COPG2: variants seen among roughly 807,000 people sequenced by gnomAD.
The protein encoded by COPG2 is coat protein complex I subunit gamma 2.
COPG2 carries 37 observed loss-of-function variants against 46.3 expected under a neutral mutation model. The observed-to-expected ratio is 0.80, with a 90% CI of 0.61 to 1.05. The LOEUF (loss-of-function observed/expected upper bound fraction) is 1.05, where lower values mean the gene tolerates loss of function less well. COPG2 is among the 50% of genes least tolerant of loss of function. The probability of loss-of-function intolerance (pLI) is 0.00; values close to 1 mark genes in which losing one functional copy is unlikely to be tolerated. For missense variants in COPG2, 427 were observed against 387.8 expected, an observed-to-expected ratio of 1.10 and a Z score of -0.85; for synonymous variants, 159 against 129.7, an observed-to-expected ratio of 1.23 and a Z score of -1.53.
In COPG2 at chr7:130,507,351, G is replaced by GTGATGATAT. The variant is rs1272009120; in HGVS notation, c.2399_2407dup (p.Asn800_Ile802dup). On this transcript the variant is annotated inframe_insertion, in exon 23 of 24. Coordinates refer to ENST00000425248, the MANE Select transcript of COPG2 (RefSeq NM_012133.6). Reference sequence around the variant, plus strand: ...CTCACATGGCTGCATGCCCAGAAATGTGATGATATTGTTGACAGCCTCTGT... The same window carrying GTGATGATAT: ...CTCACATGGCTGCATGCCCAGAAATGTGATGATATTGATGATATTGTTGACAGCCTCTGT... 1.3e-6 allele frequency: 1 copy of GTGATGATAT among 780,596 alleles called. No homozygotes were observed. Among genetic ancestry groups the GTGATGATAT allele is most frequent in the Admixed American group, 1.7e-5 (1 of 59,022 alleles). The allele number at this position is 780,596 out of a possible 1,614,324, so 48.4% of individuals were successfully genotyped here. A position where few individuals can be genotyped will look rare whatever the true frequency, so the allele number is the denominator to read the frequency against.
chr7:130,618,821 T>A (rs1554453245), intron 5 of COPG2, among the ~76,000 whole-genome samples: 1 of 152,172 alleles, frequency 6.6e-6, no homozygotes, highest in East Asian at 1.9e-4. Flanking sequence ...CAGTTCCTCC[T>A]CATTTTGGAT....
At chr7:130,509,307 G>C (rs782537201) in intron 20 of COPG2, 3 of 512,566 alleles carry the variant, frequency 5.9e-6, no homozygotes, top group African/African-American at 5.8e-5. Flanking sequence ...AAGAAATGGA[G>C]GTGGGGGTAC....
chr7:130,584,665 G>A (rs1794228555), intron 9 of COPG2, among the ~76,000 whole-genome samples: 1 of 151,944 alleles, frequency 6.6e-6, no homozygotes, highest in Admixed American at 6.6e-5. Flanking sequence ...TACACCAATA[G>A]CAACTAAGCG....
intron 9 of COPG2, among the ~76,000 whole-genome samples, chr7:130,593,200 G>T (rs1794464551): frequency 1.3e-5 from 2 of 152,252 alleles, no homozygotes; most frequent in African/African-American, 4.8e-5. Flanking sequence ...GACCAGAGGT[G>T]AAAGACTCAT....
chr7:130,561,356 T>A lies in COPG2; in HGVS notation c.940-135A>T, dbSNP rs962124329. 9.6e-5 allele frequency: 38 copies of A among 396,206 alleles called. No individual in the cohort carries two copies. In the East Asian group the frequency reaches 1.3e-3, roughly 13 times the overall value. 24.5% of individuals were successfully genotyped at this position (396,206 alleles called of 1,614,324 possible). A position where few individuals can be genotyped will look rare whatever the true frequency, so the allele number is the denominator to read the frequency against. On this transcript the variant is annotated intron_variant, in intron 11 of 23. Transcript: ENST00000425248. ...GTAATTGCTTCAAAAACAAAAAGAATGGCTCCAGTTAACAAGGTATATCTT... is the reference window on the plus strand; with the variant it reads ...GTAATTGCTTCAAAAACAAAAAGAAAGGCTCCAGTTAACAAGGTATATCTT...
At chr7:130,598,656 C>CAGT (rs1554450014) in intron 9 of COPG2, among the ~76,000 whole-genome samples, 2 of 152,190 alleles carry the variant, frequency 1.3e-5, no homozygotes, top group African/African-American at 4.8e-5. Flanking sequence ...GCATGAGGCC[C>CAGT]TAACTGGGCC....
At chr7:130,663,414 A>G (rs1458456674) in intron 3 of COPG2, among the ~76,000 whole-genome samples, 1 of 152,192 alleles carries the variant, frequency 6.6e-6, no homozygotes, top group Non-Finnish European at 1.5e-5. Context: ...GATCATATCT[A>G]TAATGCCCAG....
intron 9 of COPG2, chr7:130,605,149 T>C: frequency 2.0e-6 from 1 of 512,142 alleles, no homozygotes; most frequent in Non-Finnish European, 3.9e-6. Context: ...TTCTTTAATC[T>C]GTTTTCTCTC....
intron 20 of COPG2, among the ~76,000 whole-genome samples, chr7:130,539,617 T>C (rs1046605194): frequency 1.3e-5 from 2 of 152,108 alleles, no homozygotes; most frequent in African/African-American, 4.8e-5. Context: ...GTACCTTCCC[T>C]TGGCCAAGGA....
At chr7:130,528,167 G>A (rs1351951686) in intron 20 of COPG2, among the ~76,000 whole-genome samples, 6 of 152,078 alleles carry the variant, frequency 3.9e-5, no homozygotes, top group African/African-American at 9.7e-5. Context: ...GTTGAGACTG[G>A]GTGCGTTTGT....
At chr7:130,619,344 T>A (rs1298164347) in intron 5 of COPG2, among the ~76,000 whole-genome samples, 1 of 152,118 alleles carries the variant, frequency 6.6e-6, no homozygotes, top group Non-Finnish European at 1.5e-5. Flanking sequence ...GATGTAAGAG[T>A]GTCTTTTGTT....
intron 9 of COPG2, among the ~76,000 whole-genome samples, chr7:130,591,183 A>T (rs1554448810): frequency 7.4e-6 from 1 of 134,328 alleles, no homozygotes; most frequent in Non-Finnish European, 1.6e-5. Flanking sequence ...CCCGTCCGGG[A>T]GGTGAGGGGC....
chr7:130,634,776 T>A (rs782059757), intron 5 of COPG2, among the ~76,000 whole-genome samples: 4 of 152,098 alleles, frequency 2.6e-5, no homozygotes, highest in Non-Finnish European at 5.9e-5. Context: ...GAGGGCATCC[T>A]TGTCTTGTGC....
In COPG2 at chr7:130,506,390, A is replaced by G. The variant is rs1799482090; in HGVS notation, c.*286T>C. On this transcript the variant is annotated 3_prime_UTR_variant, in exon 24 of 24. Coordinates refer to ENST00000425248, the MANE Select transcript of COPG2 (RefSeq NM_012133.6). ...TTTCAGGTACACATTAAAGAATAAA[A>G]TGAAGTTAAGCAGCTGGAGTATAGG... The G allele has an allele frequency of 6.6e-6, 1 of 151,480 alleles. No homozygotes were observed. Among genetic ancestry groups the G allele is most frequent in the Non-Finnish European group, 1.4e-5 (1 of 69,800 alleles). 9.4% of individuals were successfully genotyped at this position (151,480 alleles called of 1,614,324 possible).
intron 5 of COPG2, among the ~76,000 whole-genome samples, chr7:130,649,635 T>C (rs1369113192): frequency 1.3e-5 from 2 of 152,332 alleles, no homozygotes; most frequent in East Asian, 3.9e-4. Flanking sequence ...CTGTTCACAA[T>C]GATTTAGGTA....
chr7:130,567,934 A>C (rs966184269), intron 9 of COPG2, among the ~76,000 whole-genome samples: 2 of 152,206 alleles, frequency 1.3e-5, no homozygotes, highest in African/African-American at 4.8e-5. Flanking sequence ...TTCAGGCTAC[A>C]ACTAGCATGA....
In COPG2 at chr7:130,529,389, C is replaced by G. The variant is rs1047229745; in HGVS notation, c.2149+18285G>C. 1.9e-4 allele frequency among the ~76,000 whole-genome samples: 29 copies of G among 152,068 alleles called. 1 individual carries two copies. The highest frequency in any genetic ancestry group is 3.7e-4 in the Non-Finnish European group (25 of 68,020). On this transcript the variant is annotated intron_variant, in intron 20 of 23. Transcript: ENST00000425248. ...AGAAACTGCTCTAAAGTCCTCAAGG[C>G]ATGATGTCAGACTCAAGATGGGTCC...
chr7:130,566,280 G>A (rs1584975374), intron 9 of COPG2, among the ~76,000 whole-genome samples: 2 of 152,192 alleles, frequency 1.3e-5, no homozygotes. Flanking sequence ...GTACCATCTT[G>A]TACCAGTCAG....
At chr7:130,550,796 G>C (rs1411698647) in intron 16 of COPG2, 147 bp from the exon 17 acceptor site, 2 of 368,448 alleles carry the variant, frequency 5.4e-6, no homozygotes, top group East Asian at 7.9e-5. Context: ...AAAAATAAAG[G>C]ATATTCTTGA....
Sources: allele counts gnomAD v4.1 joint callset (sites outside exome capture counted in the v4.1 genomes callset), GRCh38; gene constraint gnomAD v4.1.1; transcripts MANE v1.5; gene names NCBI Gene and HGNC (gene_info 2026-07-23, HGNC 2026-07-21).